TBL1XR1: variants seen among roughly 807,000 people sequenced by gnomAD.
TBL1XR1 encodes the protein F-box-like/WD repeat-containing protein TBL1XR1.
In TBL1XR1, 5 loss-of-function variants were observed where a neutral mutation model predicts 66.9. The observed-to-expected ratio is 0.07, with a 90% CI of 0.04 to 0.16. The LOEUF is 0.16. Among genes scored for constraint, TBL1XR1 ranks in the 10% least tolerant of loss-of-function variants. The pLI, the probability that TBL1XR1 is intolerant of heterozygous loss-of-function variation, is 1.00. For missense variants in TBL1XR1, 238 were observed against 623.2 expected (o/e 0.38, Z 6.58); for synonymous variants, 210 against 206.0 (o/e 1.02, Z -0.17).
chr3:177,098,522 A>T lies in TBL1XR1; in HGVS notation c.-102T>A, dbSNP rs1723788496. The stretch of plus-strand genomic sequence containing the variant: ...ACTGAATATCCGGTCACCGCCAATC[A>T]CAAGTTGCTGTTGTTGATGCTGAGG... On this transcript the variant is annotated 5_prime_UTR_variant, in exon 2 of 16. Transcript: ENST00000457928. 6.1e-6 allele frequency: 6 copies of T among 985,898 alleles called. No homozygotes were observed. Among genetic ancestry groups the T allele is most frequent in the Non-Finnish European group, 6.0e-6 (5 of 829,948 alleles). The allele number at this position is 985,898 out of a possible 1,614,324, so 61.1% of individuals were successfully genotyped here.
rs567974886 is a variant in TBL1XR1, at chr3:177,087,237, A to T, written c.-46+11229T>A. ...ACTTACTTTTTTATTTAAAAAAAAA[A>T]TTAAACTAATCAAAATGGTTTTTGG... On this transcript the variant is annotated intron_variant, in intron 2 of 15. Transcript: ENST00000457928. Among the ~76,000 whole-genome samples, 5 of 150,066 alleles carry T rather than the reference A, an allele frequency of 3.3e-5. No individual in the cohort carries two copies. The East Asian group carries it at 7.9e-4, about 24-fold the overall frequency.
intron 1 of TBL1XR1, among the ~76,000 whole-genome samples, chr3:177,148,990 A>G (rs1193158102): frequency 6.7e-6 from 1 of 148,174 alleles, no homozygotes; most frequent in Non-Finnish European, 1.5e-5. Context: ...GACAAAGAAG[A>G]GCAAAACTCC....
chr3:177,029,900 A>G (rs1186415327), intron 14 of TBL1XR1, among the ~76,000 whole-genome samples: 2 of 152,226 alleles, frequency 1.3e-5, no homozygotes, highest in African/African-American at 2.4e-5. Flanking sequence ...ATGCAAATAC[A>G]AAATGTTTCA....
upstream of TBL1XR1, among the ~76,000 whole-genome samples, chr3:177,198,885 C>T (rs975431364): frequency 4.6e-5 from 7 of 151,586 alleles, no homozygotes; most frequent in African/African-American, 1.7e-4. Flanking sequence ...CACACACACA[C>T]ACACACACAC....
chr3:177,115,012 G>A (rs951281611), intron 1 of TBL1XR1, among the ~76,000 whole-genome samples: 7 of 151,658 alleles, frequency 4.6e-5, no homozygotes, highest in Non-Finnish European at 8.8e-5. Context: ...TAATAATAAT[G>A]ATTTTTAATT....
At chr3:177,076,693 T>C (rs565475862) in intron 2 of TBL1XR1, among the ~76,000 whole-genome samples, 44 of 152,332 alleles carry the variant, frequency 2.9e-4, no homozygotes, top group African/African-American at 1.0e-3. Context: ...TCTGTCCACC[T>C]TGGTTATCAG....
intron 1 of TBL1XR1, chr3:177,110,748 A>C (rs530996806): frequency 2.6e-5 from 4 of 152,312 alleles, no homozygotes; most frequent in African/African-American, 9.6e-5. Context: ...AGTGGTCAGA[A>C]CTTAATGAGA....
At chr3:177,042,480 A>G (rs375885396) in intron 10 of TBL1XR1, among the ~76,000 whole-genome samples, 35 of 152,320 alleles carry the variant, frequency 2.3e-4, no homozygotes, top group African/African-American at 7.7e-4. Flanking sequence ...GATTGTTGGG[A>G]TGTAGGAAAT....
chr3:177,109,178 A>T (rs1725255046), intron 1 of TBL1XR1, among the ~76,000 whole-genome samples: 1 of 152,238 alleles, frequency 6.6e-6, no homozygotes, highest in Non-Finnish European at 1.5e-5. Flanking sequence ...ATATATAAAC[A>T]AAATTACATT....
At chr3:177,084,087 C>CAAAAAA (rs36022409) in intron 2 of TBL1XR1, among the ~76,000 whole-genome samples, 2 of 74,042 alleles carry the variant, frequency 2.7e-5, no homozygotes, top group Admixed American at 1.6e-4. Flanking sequence ...GACTCCGTCT[C>CAAAAAA]AAAAAAAAAA....
chr3:177,070,123 G>A (rs899017220), intron 2 of TBL1XR1, among the ~76,000 whole-genome samples: 7 of 152,146 alleles, frequency 4.6e-5, no homozygotes, highest in African/African-American at 1.7e-4. Context: ...CAAAGCTCTT[G>A]AGGCTTGAAA....
chr3:177,104,116 CAAA>C (rs955890570), intron 1 of TBL1XR1, among the ~76,000 whole-genome samples: 1 of 111,212 alleles, frequency 9.0e-6, no homozygotes. Flanking sequence ...ACTCGGTCTC[CAAA>C]AAAAAAAAAA....
chr3:177,111,193 G>A (rs1427312525), intron 1 of TBL1XR1, among the ~76,000 whole-genome samples: 1 of 151,796 alleles, frequency 6.6e-6, no homozygotes, highest in Non-Finnish European at 1.5e-5. Context: ...GTATGCAAAG[G>A]GCAAAGAATC....
intron 2 of TBL1XR1, among the ~76,000 whole-genome samples, chr3:177,070,393 A>AT (rs1476984327): frequency 1.3e-5 from 2 of 152,244 alleles, no homozygotes; most frequent in African/African-American, 4.8e-5. Context: ...CAGTCAAGGT[A>AT]TATCAACAGG....
chr3:177,090,863 CT>C (rs1158408507), intron 2 of TBL1XR1, among the ~76,000 whole-genome samples: 2 of 152,020 alleles, frequency 1.3e-5, no homozygotes, highest in Admixed American at 1.3e-4. Flanking sequence ...TGGCATGCAC[CT>C]GTGGTCCCAG....
intron 1 of TBL1XR1, among the ~76,000 whole-genome samples, chr3:177,182,258 G>A (rs894768806): frequency 3.9e-5 from 6 of 152,082 alleles, no homozygotes; most frequent in South Asian, 2.1e-4. Flanking sequence ...GAATGGTGGC[G>A]TAGTAGTCCC....
At position 177,172,775 on chromosome 3, in the gene TBL1XR1, T is replaced by C. The variant is rs77417700; in HGVS notation, c.-122+24346A>G. 8.6e-3 allele frequency among the ~76,000 whole-genome samples: 1,299 copies of C among 151,734 alleles called. 17 individuals carry two copies. The highest frequency in any genetic ancestry group is 0.03 in the African/African-American group (1,255 of 41,394). On this transcript the variant is annotated intron_variant, in intron 1 of 15. Transcript: ENST00000457928. ...TATTGCTCCAGATGAGATCCACTGA[T>C]GAATGCTAAAATTATTGGACAAAAC...
intron 1 of TBL1XR1, among the ~76,000 whole-genome samples, chr3:177,180,486 C>G (rs13081843): frequency 1.3e-5 from 2 of 150,910 alleles, no homozygotes; most frequent in Non-Finnish European, 2.9e-5. Context: ...CTGCTGACGA[C>G]TTTTTTAAAC....
At chr3:177,102,751 C>A (rs1013227315) in intron 1 of TBL1XR1, among the ~76,000 whole-genome samples, 4 of 152,146 alleles carry the variant, frequency 2.6e-5, no homozygotes, top group Non-Finnish European at 5.9e-5. Flanking sequence ...CAGAAATGTC[C>A]TTCTGACTAC....
Sources: gnomAD v4.1 joint callset for allele counts (sites outside exome capture counted in the v4.1 genomes callset) on GRCh38, gnomAD v4.1.1 for gene constraint, MANE v1.5 for transcripts, NCBI Gene and HGNC (gene_info 2026-07-23, HGNC 2026-07-21) for gene names.